ZCWPW1: variants seen among roughly 807,000 people sequenced by gnomAD.
ZCWPW1 encodes zinc finger CW-type PWWP domain protein 1.
In ZCWPW1, 56 loss-of-function variants were observed where a neutral mutation model predicts 81.3. The observed-to-expected ratio is 0.69, with a 90% CI of 0.56 to 0.86. ZCWPW1 has a LOEUF of 0.86. Among genes scored for constraint, ZCWPW1 ranks in the 40% least tolerant of loss-of-function variants. The pLI, the probability that ZCWPW1 is intolerant of heterozygous loss-of-function variation, is 0.00. For missense variants in ZCWPW1, 650 were observed against 769.8 expected, an observed-to-expected ratio of 0.84 and a Z score of 1.84; for synonymous variants, 250 against 273.7, an observed-to-expected ratio of 0.91 and a Z score of 0.86.
chr7:100,404,038 A>G, intron 14 of ZCWPW1, 140 bp downstream of exon 14: 1 of 918,052 alleles, frequency 1.1e-6, no homozygotes, highest in Non-Finnish European at 1.6e-6. Context: ...TGGGTCAATG[A>G]CATTCACAAG....
chr7:100,419,213 G>C, intron 4 of ZCWPW1, 24 bp from the exon 5 acceptor site: 2 of 1,598,494 alleles, frequency 1.3e-6, no homozygotes, highest in Non-Finnish European at 1.7e-6. Context: ...GGTAGGGGAG[G>C]AAAACCACTT....
At chr7:100,406,549 T>A in intron 12 of ZCWPW1, 145 bp downstream of exon 12, 1 of 708,444 alleles carries the variant, frequency 1.4e-6, no homozygotes, top group Non-Finnish European at 2.3e-6. Flanking sequence ...GCAAGAAGAG[T>A]CCTTCATGAA....
rs536251528 is a variant in ZCWPW1 at position 100,407,711 on chromosome 7, A to G, written c.993-408T>C. ...CTCAGCCAGCAGTATGCTTTGCAAA[A>G]AAAGGATCCAAAAAATAGATTCCCC... On this transcript the variant is annotated intron_variant, in intron 10 of 17. Coordinates refer to ENST00000684423, the MANE Select transcript of ZCWPW1 (RefSeq NM_001386010.1). 8.6e-5 allele frequency among the ~76,000 whole-genome samples: 13 copies of G among 151,960 alleles called. No homozygotes were observed. The South Asian group carries it at 2.7e-3, about 32-fold the overall frequency.
chr7:100,401,843 A>T, intron 17 of ZCWPW1, 46 bp downstream of exon 17: 4 of 1,552,268 alleles, frequency 2.6e-6, no homozygotes, highest in Non-Finnish European at 3.5e-6. Context: ...GGAGATGCTG[A>T]CAGGCACCTC....
intron 10 of ZCWPW1, among the ~76,000 whole-genome samples, chr7:100,407,940 T>C (rs577896371): frequency 7.9e-5 from 12 of 152,182 alleles, no homozygotes; most frequent in African/African-American, 2.9e-4. Context: ...ACTTTGTCTC[T>C]CTCAATCTCA....
At chr7:100,410,768 C>T (rs1005399754) in intron 8 of ZCWPW1, among the ~76,000 whole-genome samples, 9 of 152,252 alleles carry the variant, frequency 5.9e-5, no homozygotes, top group African/African-American at 2.2e-4. Flanking sequence ...GCCCCGTCTT[C>T]CACCTCACTT....
At chr7:100,425,332 G>A (rs926860843) in intron 1 of ZCWPW1, among the ~76,000 whole-genome samples, 196 bp from the exon 2 acceptor site, 1 of 151,960 alleles carries the variant, frequency 6.6e-6, no homozygotes, top group Admixed American at 6.6e-5. Flanking sequence ...TAATAAGAGG[G>A]GCAAAGGCTT....
intron 17 of ZCWPW1, 33 bp downstream of exon 17, chr7:100,401,856 T>A (rs1791971295): frequency 6.4e-7 from 1 of 1,574,068 alleles, no homozygotes; most frequent in Non-Finnish European, 8.6e-7. Context: ...GGCACCTCAT[T>A]CCCCTTAGTT....
chr7:100,415,889 G>C, intron 8 of ZCWPW1, 86 bp downstream of exon 8: 1 of 1,542,826 alleles, frequency 6.5e-7, no homozygotes, highest in Non-Finnish European at 8.8e-7. Flanking sequence ...ATTCTTTGCA[G>C]AGGTTCCTCT....
At chr7:100,402,264 T>C in intron 16 of ZCWPW1, 4 of 815,608 alleles carry the variant, frequency 4.9e-6, no homozygotes, top group Non-Finnish European at 8.5e-6. Context: ...CTCCTCAGAG[T>C]CTACCTTCTC....
Position 100,417,056 on chromosome 7 carries a change from A to G in ZCWPW1, c.479+10T>C, listed in dbSNP as rs1795396910. 6.2e-7 allele frequency: 1 copy of G among 1,609,624 alleles called. No homozygotes were observed. The highest frequency in any genetic ancestry group is 1.7e-5 in the Admixed American group (1 of 59,966). ...TCTGTGTTCAACTTGCCTCACTGAA[A>G]TAAACTTACCCATTAGCATTATCAG... On this transcript the variant is annotated intron_variant, in intron 6 of 17. Coordinates refer to ENST00000684423, the MANE Select transcript of ZCWPW1 (RefSeq NM_001386010.1).
chr7:100,401,768 TA>T, intron 17 of ZCWPW1, 120 bp downstream of exon 17: 1 of 1,331,034 alleles, frequency 7.5e-7, no homozygotes, highest in Non-Finnish European at 1.0e-6. Flanking sequence ...TCTTTCATTC[TA>T]ATTTTCATTC....
chr7:100,404,256 A>G lies in ZCWPW1; in HGVS notation c.1255-12T>C. 1 of 1,613,948 alleles carries G rather than the reference A, an allele frequency of 6.2e-7. No individual in the cohort carries two copies. ...AAGTTAACCCGTTCCTAAGGGAACC[A>G]AGAAACAAAAGCATCATCCACTACC... is the stretch of plus-strand genomic sequence containing the variant. On this transcript the variant is annotated splice_polypyrimidine_tract_variant and intron_variant, in intron 13 of 17. Coordinates refer to ENST00000684423, the MANE Select transcript of ZCWPW1 (RefSeq NM_001386010.1).
At chr7:100,413,074 T>C (rs890015441) in intron 8 of ZCWPW1, among the ~76,000 whole-genome samples, 4 of 152,164 alleles carry the variant, frequency 2.6e-5, no homozygotes, top group African/African-American at 9.7e-5. Context: ...CAAAGCCTAA[T>C]ACCTAATCCT....
intron 6 of ZCWPW1, 86 bp downstream of exon 6, chr7:100,416,980 C>A (rs1039668505): frequency 1.5e-5 from 15 of 996,160 alleles, no homozygotes; most frequent in African/African-American, 6.6e-5. Context: ...GATAAATGAC[C>A]AGATAGACAG....
chr7:100,416,992 C>CAGAT (rs933601545), intron 6 of ZCWPW1, 74 bp downstream of exon 6: 2 of 1,030,240 alleles, frequency 1.9e-6, no homozygotes, highest in African/African-American at 3.3e-5. Flanking sequence ...GATAGACAGA[C>CAGAT]AGATAGATAG....
chr7:100,412,710 T>C (rs1324145963), intron 8 of ZCWPW1, among the ~76,000 whole-genome samples: 3 of 152,032 alleles, frequency 2.0e-5, no homozygotes, highest in South Asian at 2.1e-4. Context: ...GCCTCCCGAA[T>C]AGCTGGGACT....
At position 100,415,980 on chromosome 7, in the gene ZCWPW1, C is replaced by T; in HGVS notation, c.749G>A (p.Gly250Asp). Reference sequence around the variant, plus strand: ...GCCAAACCAGCTAAACTCACCAAAACCACTTATCTCTCCTTTTTGCTGGTC... The same window carrying T: ...GCCAAACCAGCTAAACTCACCAAAATCACTTATCTCTCCTTTTTGCTGGTC... Reference protein sequence around the residue: ...IRDQQKGEISGFGQCLVWVQC... With the variant: ...IRDQQKGEISDFGQCLVWVQC... The change falls in exon 8 of 18, where the codon GGT (glycine) becomes GAT (aspartate). Residue 250 changes from glycine (G) to aspartate (D), a missense_variant. Coordinates refer to ENST00000684423, the MANE Select transcript of ZCWPW1 (RefSeq NM_001386010.1). 6.2e-7 allele frequency: 1 copy of T among 1,614,104 alleles called. No homozygotes were observed. Among genetic ancestry groups the T allele is most frequent in the Non-Finnish European group, 8.5e-7 (1 of 1,180,010 alleles).
At chr7:100,410,506 T>C (rs1793957247) in intron 8 of ZCWPW1, among the ~76,000 whole-genome samples, 1 of 152,218 alleles carries the variant, frequency 6.6e-6, no homozygotes, top group Non-Finnish European at 1.5e-5. Flanking sequence ...GCCATGGGAC[T>C]ATCCTCACCT....
Sources: allele counts gnomAD v4.1 joint callset (sites outside exome capture counted in the v4.1 genomes callset), GRCh38; gene constraint gnomAD v4.1.1; transcripts MANE v1.5; gene names NCBI Gene and HGNC (gene_info 2026-07-23, HGNC 2026-07-21).